The following CCDC102B variants were observed in gnomAD, a reference collection of about 807,000 sequenced individuals.
CCDC102B encodes coiled-coil domain-containing protein 102B.
In CCDC102B, 75 loss-of-function variants were observed where a neutral mutation model predicts 57.4. The observed-to-expected ratio is 1.31, with a 90% CI of 1.08 to 1.58. CCDC102B has a LOEUF of 1.58. CCDC102B is among the 40% of genes most tolerant of loss of function. The pLI, the probability that CCDC102B is intolerant of heterozygous loss-of-function variation, is 0.00. For missense variants in CCDC102B, 636 were observed against 582.6 expected (o/e 1.09, Z -0.94); for synonymous variants, 206 against 201.9 (o/e 1.02, Z -0.17).
At chr18:68,994,912 A>G (rs1020936540) in intron 6 of CCDC102B, among the ~76,000 whole-genome samples, 2 of 152,234 alleles carry the variant, frequency 1.3e-5, no homozygotes, top group Admixed American at 1.3e-4. Flanking sequence ...GGTAACCAGC[A>G]GAAGTTGGAA....
chr18:68,918,350 A>G (rs2041151114), intron 6 of CCDC102B, among the ~76,000 whole-genome samples: 1 of 151,958 alleles, frequency 6.6e-6, no homozygotes, highest in Non-Finnish European at 1.5e-5. Flanking sequence ...TTTTCTCTAC[A>G]ATTAACTCCG....
chr18:68,995,071 G>T (rs949087822), intron 6 of CCDC102B, among the ~76,000 whole-genome samples: 1 of 152,208 alleles, frequency 6.6e-6, no homozygotes, highest in African/African-American at 2.4e-5. Context: ...TGAGGAACTT[G>T]TTGGGAACTG....
At chr18:68,745,711 C>G (rs925332311) in intron 2 of CCDC102B, among the ~76,000 whole-genome samples, 12 of 152,078 alleles carry the variant, frequency 7.9e-5, no homozygotes, top group African/African-American at 2.9e-4. Flanking sequence ...TATTTTTGTA[C>G]CTATTAACCT....
chr18:68,796,423 A>G (rs2035630168), upstream of CCDC102B, among the ~76,000 whole-genome samples: 1 of 152,148 alleles, frequency 6.6e-6, no homozygotes, highest in Non-Finnish European at 1.5e-5. Flanking sequence ...CTGATGCCAT[A>G]TCTGTGTAAT....
At chr18:68,956,173 T>C (rs1470306264) in intron 6 of CCDC102B, among the ~76,000 whole-genome samples, 1 of 150,970 alleles carries the variant, frequency 6.6e-6, no homozygotes, top group Non-Finnish European at 1.5e-5. Flanking sequence ...TAGTAGTCCA[T>C]TGTGTACCAC....
intron 5 of CCDC102B, among the ~76,000 whole-genome samples, chr18:68,890,384 T>G (rs1023682326): frequency 4.6e-5 from 7 of 152,092 alleles, no homozygotes; most frequent in African/African-American, 1.7e-4. Context: ...CAAAGGCACA[T>G]GCCACCACGC....
intron 6 of CCDC102B, among the ~76,000 whole-genome samples, chr18:68,972,001 C>G (rs1015838098): frequency 6.6e-6 from 1 of 152,060 alleles, no homozygotes; most frequent in Non-Finnish European, 1.5e-5. Context: ...AAATTAATGC[C>G]TAGTATCTCA....
At chr18:68,855,732 G>A (rs940421424) in intron 4 of CCDC102B, among the ~76,000 whole-genome samples, 7 of 151,990 alleles carry the variant, frequency 4.6e-5, no homozygotes, top group Non-Finnish European at 1.0e-4. Context: ...TTCACTTTAG[G>A]TAGGTTTTCA....
intron 7 of CCDC102B, among the ~76,000 whole-genome samples, chr18:69,052,437 C>T (rs2052730657): frequency 6.6e-6 from 1 of 151,800 alleles, no homozygotes; most frequent in African/African-American, 2.4e-5. Context: ...TACTGCTAGC[C>T]ATGTCTCAAG....
chr18:68,871,924 C>G (rs1396998815), intron 4 of CCDC102B, among the ~76,000 whole-genome samples: 1 of 152,052 alleles, frequency 6.6e-6, no homozygotes, highest in African/African-American at 2.4e-5. Context: ...AGAATGGAGG[C>G]TATTAAAATA....
At chr18:68,885,619 G>T (rs1301225607) in intron 5 of CCDC102B, among the ~76,000 whole-genome samples, 1 of 151,900 alleles carries the variant, frequency 6.6e-6, no homozygotes, top group Non-Finnish European at 1.5e-5. Context: ...TGAAGAAAGT[G>T]ATTTACATCT....
At chr18:68,929,972 A>G (rs1272409243) in intron 6 of CCDC102B, among the ~76,000 whole-genome samples, 1 of 151,742 alleles carries the variant, frequency 6.6e-6, no homozygotes, top group Non-Finnish European at 1.5e-5. Flanking sequence ...CCTAAAAATA[A>G]AAAGAGTAAT....
chr18:68,879,564 A>G lies in CCDC102B; in HGVS notation c.1053+4779A>G, dbSNP rs1047127514. On this transcript the variant is annotated intron_variant, in intron 5 of 7. Coordinates refer to ENST00000360242, the MANE Select transcript of CCDC102B (RefSeq NM_024781.3). ...GATTAGCTAGATACAGAGTGTCAAC[A>G]CAAAGGTTCTGCAAGGCCCCACCAG... is the stretch of plus-strand genomic sequence containing the variant. Among the ~76,000 whole-genome samples the G allele has an allele frequency of 5.3e-5, 8 of 151,544 alleles. No individual in the cohort carries two copies. The East Asian group carries it at 1.6e-3, about 30-fold the overall frequency.
chr18:69,027,119 A>T (rs1458197695), intron 7 of CCDC102B, among the ~76,000 whole-genome samples: 3 of 152,176 alleles, frequency 2.0e-5, no homozygotes, highest in Admixed American at 1.3e-4. Flanking sequence ...GCTAAGATTT[A>T]AAAATGGTCG....
At chr18:69,047,520 A>G (rs2052597468) in intron 7 of CCDC102B, among the ~76,000 whole-genome samples, 1 of 152,146 alleles carries the variant, frequency 6.6e-6, no homozygotes, top group Non-Finnish European at 1.5e-5. Context: ...TATTCAACAT[A>G]GTATGAGAAG....
At chr18:68,872,101 G>C (rs11151471) in intron 4 of CCDC102B, among the ~76,000 whole-genome samples, 1 of 151,894 alleles carries the variant, frequency 6.6e-6, no homozygotes, top group African/African-American at 2.4e-5. Flanking sequence ...GGGAAGGATG[G>C]TATTGCCATT....
In CCDC102B at chr18:68,880,344, C is replaced by T. The variant is rs187458183; in HGVS notation, c.1053+5559C>T. On this transcript the variant is annotated intron_variant, in intron 5 of 7. Transcript: ENST00000360242. ...GGAACTCCAGCTGGCCCGCAAGCAC[C>T]GCGCGCAGCCCCGGTTCCTGCTCGT... is the stretch of plus-strand genomic sequence containing the variant. Among the ~76,000 whole-genome samples, 46 of 152,322 alleles carry T rather than the reference C, an allele frequency of 3.0e-4. No individual in the cohort carries two copies. The East Asian group carries it at 4.8e-3, about 16-fold the overall frequency.
chr18:68,928,817 G>T (rs1411066567), intron 6 of CCDC102B, among the ~76,000 whole-genome samples: 1 of 151,852 alleles, frequency 6.6e-6, no homozygotes, highest in African/African-American at 2.4e-5. Context: ...TTTCTTGGCA[G>T]CTGGATTTTA....
chr18:68,874,848 T>C, intron 5 of CCDC102B, 63 bp downstream of exon 5: 1 of 1,058,408 alleles, frequency 9.4e-7, no homozygotes, highest in Non-Finnish European at 1.4e-6. Context: ...TTAAATGCCA[T>C]ACTATTTTAA....
Sources: gnomAD v4.1 joint callset for allele counts (sites outside exome capture counted in the v4.1 genomes callset) on GRCh38, gnomAD v4.1.1 for gene constraint, MANE v1.5 for transcripts, NCBI Gene and HGNC (gene_info 2026-07-23, HGNC 2026-07-21) for gene names.